Variants in ANKRD30A observed in about 807,000 individuals in gnomAD.
ANKRD30A encodes the protein ankyrin repeat domain-containing protein 30A.
A neutral mutation model predicts 166.3 loss-of-function variants in ANKRD30A; 170 were observed. That is an observed-to-expected ratio of 1.02 (90% CI 0.90 to 1.16). The LOEUF (loss-of-function observed/expected upper bound fraction) is 1.16, where lower values mean the gene tolerates loss of function less well. Ranked by LOEUF, ANKRD30A falls within the 50% of genes most tolerant of loss-of-function variation. ANKRD30A has a pLI of 0.00. For missense variants in ANKRD30A, 1,630 were observed against 1,518.0 expected, an observed-to-expected ratio of 1.07 and a Z score of -1.23; for synonymous variants, 564 against 508.9, an observed-to-expected ratio of 1.11 and a Z score of -1.46.
chr10:37,196,840 A>G (rs972936323), intron 27 of ANKRD30A, among the ~76,000 whole-genome samples: 11 of 152,192 alleles, frequency 7.2e-5, no homozygotes, highest in African/African-American at 2.7e-4. Flanking sequence ...TCAATTCAAA[A>G]CACTTCAGTG....
chr10:37,243,778 A>G, the ANKRD30A span, among the ~76,000 whole-genome samples: 1 of 152,158 alleles, frequency 6.6e-6, no homozygotes, highest in Non-Finnish European at 1.5e-5. Context: ...AAACATTGAA[A>G]TCAATGTGTG....
At position 37,202,177 on chromosome 10, in the gene ANKRD30A, G is replaced by A. The variant is rs545083365; in HGVS notation, c.2869+852G>A. Among the ~76,000 whole-genome samples the A allele has an allele frequency of 5.3e-5, 8 of 152,174 alleles. No homozygotes were observed. The South Asian group carries it at 1.7e-3, about 32-fold the overall frequency. On this transcript the variant is annotated intron_variant, in intron 31 of 35. Coordinates refer to ENST00000361713, the MANE Select transcript of ANKRD30A (RefSeq NM_052997.3). ...AGCATTATGTTACTTTTATTTTTGA[G>A]TATGTTTTTAGCCAGCGGAGAAGAA...
intron 34 of ANKRD30A, among the ~76,000 whole-genome samples, chr10:37,229,060 TG>T (rs1046980948): frequency 1.3e-5 from 2 of 151,992 alleles, no homozygotes; most frequent in Non-Finnish European, 2.9e-5. Flanking sequence ...TATGTCTTGT[TG>T]TTAATGCTGG....
At chr10:37,141,678 T>G in intron 6 of ANKRD30A, 40 bp from the exon 7 acceptor site, 1 of 1,604,952 alleles carries the variant, frequency 6.2e-7, no homozygotes, top group East Asian at 2.2e-5. Flanking sequence ...AGGATGATAT[T>G]TAGTAGAAGG....
intron 34 of ANKRD30A, 28 bp downstream of exon 34, chr10:37,219,925 T>C: frequency 7.1e-7 from 1 of 1,410,324 alleles, no homozygotes; most frequent in Non-Finnish European, 9.3e-7. Context: ...TAAATACTTG[T>C]CAAACTTCCT....
intron 34 of ANKRD30A, among the ~76,000 whole-genome samples, chr10:37,226,793 CATTTTTCATTAGCAGTAT>C (rs751493239): frequency 2.9e-5 from 3 of 103,276 alleles, no homozygotes; most frequent in South Asian, 2.6e-4. Flanking sequence ...GCAGCTATAC[CATTTTTCATTAGCAGTAT>C]GAGGGTTCTA....
At chr10:37,263,759 ATGGTC>A in the ANKRD30A span, among the ~76,000 whole-genome samples, 18 of 152,202 alleles carry the variant, frequency 1.2e-4, no homozygotes, top group Middle Eastern at 3.4e-3. Flanking sequence ...CTAACAGGCC[ATGGTC>A]TGGTACCAGT....
Position 37,219,532 on chromosome 10 carries a change from C to T in ANKRD30A, c.3820C>T (p.Leu1274=). Residue 1274 remains leucine (L), a synonymous_variant, in exon 34 of 36, where the codon CTA becomes TTA. Transcript: ENST00000361713. ...TAATCTCAATTATGCAGGAGATGCT[C>T]TAAGAGAAAATACATTGGTTTCAGA... ...KINLNYAGDA[L]RENTLVSEHA... 6.2e-7 allele frequency: 1 copy of T among 1,610,228 alleles called. No homozygotes were observed. Among genetic ancestry groups the T allele is most frequent in the Non-Finnish European group, 8.5e-7 (1 of 1,177,660 alleles).
intron 1 of ANKRD30A, among the ~76,000 whole-genome samples, 166 bp from the exon 2 acceptor site, chr10:37,129,727 T>G (rs527868800): frequency 6.6e-6 from 1 of 151,686 alleles, no homozygotes; most frequent in African/African-American, 2.4e-5. Flanking sequence ...TTTAATGTAG[T>G]GAGTAATGAG....
chr10:37,253,063 T>A, the ANKRD30A span, among the ~76,000 whole-genome samples: 31 of 152,332 alleles, frequency 2.0e-4, no homozygotes, highest in East Asian at 5.2e-3. Context: ...CTCCCACAAC[T>A]TCTAAATTTT....
At chr10:37,245,308 T>G in the ANKRD30A span, among the ~76,000 whole-genome samples, 543 of 152,266 alleles carry the variant, frequency 3.6e-3, 1 homozygote, top group Middle Eastern at 0.021. Context: ...CTTGCTAAAC[T>G]CCTTGTTATT....
chr10:37,145,026 G>T lies in ANKRD30A; in HGVS notation c.1425G>T (p.Glu475Asp). 3 of 1,599,150 alleles carry T rather than the reference G, an allele frequency of 1.9e-6. No individual in the cohort carries two copies. Among genetic ancestry groups the T allele is most frequent in the Non-Finnish European group, 2.6e-6 (3 of 1,172,758 alleles). The change falls in exon 8 of 36, where the codon GAG (glutamate) becomes GAT (aspartate). Residue 475 changes from glutamate (E) to aspartate (D), a missense_variant. By Grantham distance (45) the Glu-to-Asp change is conservative (BLOSUM62 2). Transcript: ENST00000361713. The stretch of plus-strand genomic sequence containing the variant: ...GGTTCCCATCAGAATCCAAACAAGA[G>T]GAAGATGAAGAATATTCTTGTGATT... ...DQRFPSESKQ[E>D]EDEEYSCDSR...
intron 34 of ANKRD30A, among the ~76,000 whole-genome samples, chr10:37,226,243 C>T (rs1843146042): frequency 6.9e-6 from 1 of 145,478 alleles, no homozygotes; most frequent in African/African-American, 2.5e-5. Flanking sequence ...TCTCCTAATG[C>T]TATCCCTCCC....
At chr10:37,126,029 C>T (rs1369401462) in intron 1 of ANKRD30A, 21 bp downstream of exon 1, 4 of 1,285,630 alleles carry the variant, frequency 3.1e-6, no homozygotes, top group African/African-American at 1.5e-5. Context: ...CTGCCTGAGC[C>T]GGGGCTGCAG....
At chr10:37,167,250 G>T (rs1236229294) in intron 19 of ANKRD30A, among the ~76,000 whole-genome samples, 2 of 146,330 alleles carry the variant, frequency 1.4e-5, no homozygotes, top group Non-Finnish European at 1.5e-5. Context: ...CTAAACCTCA[G>T]TGACTCATTA....
Position 37,132,170 on chromosome 10 carries a change from A to G in ANKRD30A, c.511-70A>G, listed in dbSNP as rs117598175. On this transcript the variant is annotated intron_variant, in intron 3 of 35. Transcript: ENST00000361713. The stretch of plus-strand genomic sequence containing the variant: ...TATGTGTTTAAGTTCATAAGATATT[A>G]TATAAGGTATTCAGTTCAGCTGAGA... 181 of 1,061,860 alleles carry G rather than the reference A, an allele frequency of 1.7e-4. 2 individuals carry two copies. The East Asian group carries it at 4.2e-3, about 25-fold the overall frequency. 65.8% of individuals were successfully genotyped at this position (1,061,860 alleles called of 1,614,324 possible). A position where few individuals can be genotyped will look rare whatever the true frequency, so the allele number is the denominator to read the frequency against.
the ANKRD30A span, among the ~76,000 whole-genome samples, chr10:37,247,848 C>T: frequency 6.8e-6 from 1 of 148,082 alleles, no homozygotes; most frequent in Admixed American, 6.8e-5. Context: ...TGCCACTGTA[C>T]TCCAGCCTGG....
the ANKRD30A span, among the ~76,000 whole-genome samples, chr10:37,250,554 G>A: frequency 6.6e-5 from 10 of 152,188 alleles, no homozygotes; most frequent in African/African-American, 2.2e-4. Flanking sequence ...CCCAGACCCC[G>A]ACATTTTATA....
At chr10:37,226,381 A>C (rs1843156128) in intron 34 of ANKRD30A, among the ~76,000 whole-genome samples, 1 of 150,902 alleles carries the variant, frequency 6.6e-6, no homozygotes, top group Non-Finnish European at 1.5e-5. Context: ...TCCTTGCAAT[A>C]GTTTGCTGAG....
Sources: gnomAD v4.1 joint callset for allele counts (sites outside exome capture counted in the v4.1 genomes callset) on GRCh38, gnomAD v4.1.1 for gene constraint, MANE v1.5 for transcripts, NCBI Gene and HGNC (gene_info 2026-07-23, HGNC 2026-07-21) for gene names.